The following PRIMPOL variants were observed in gnomAD, a reference collection of about 807,000 sequenced individuals.
PRIMPOL encodes the protein DNA-directed primase/polymerase protein.
A neutral mutation model predicts 63.6 loss-of-function variants in PRIMPOL; 54 were observed. That is an observed-to-expected ratio of 0.85 (90% CI 0.68 to 1.07). The LOEUF (loss-of-function observed/expected upper bound fraction) is 1.07. PRIMPOL is among the 50% of genes least tolerant of loss of function. The pLI is 0.00. For synonymous variants in PRIMPOL, 197 were observed against 220.2 expected (o/e 0.89, Z 0.93); for missense variants, 610 against 648.3 (o/e 0.94, Z 0.64).
intron 4 of PRIMPOL, among the ~76,000 whole-genome samples, chr4:184,660,209 C>T (rs1021716918): frequency 8.0e-5 from 12 of 149,852 alleles, no homozygotes; most frequent in African/African-American, 3.0e-4. Context: ...TTTTTTGAGA[C>T]AGTTTCACTC....
chr4:184,658,628 G>T (rs995317374), intron 3 of PRIMPOL, among the ~76,000 whole-genome samples: 8 of 151,738 alleles, frequency 5.3e-5, no homozygotes, highest in Non-Finnish European at 7.4e-5. Context: ...GGTTCCGGCT[G>T]GGTGCGGTGG....
At position 184,687,532 on chromosome 4, in the gene PRIMPOL, C is replaced by T. The variant is rs561387522; in HGVS notation, c.1295+1848C>T. ...CCCTCAGAGATGGTAGCCAGTATCC[C>T]GATTTTGTGTTCATCTTTTCCTCGC... is the stretch of plus-strand genomic sequence containing the variant. On this transcript the variant is annotated intron_variant, in intron 11 of 13. Coordinates refer to ENST00000314970, the MANE Select transcript of PRIMPOL (RefSeq NM_152683.4). Among the ~76,000 whole-genome samples the T allele has an allele frequency of 9.9e-5, 15 of 152,258 alleles. No individual in the cohort carries two copies. The East Asian group carries it at 1.7e-3, about 18-fold the overall frequency.
rs749555126 is a variant in PRIMPOL at position 184,694,753 on chromosome 4, C to G, written c.1657C>G (p.Leu553Val). ...NSEVDEIPDELIIEVLQE is the reference protein window; with the variant it reads ...NSEVDEIPDEVIIEVLQE ...TGAAGTGGATGAAATTCCTGATGAA[C>G]TAATTATAGAAGTATTACAAGAGTA... Residue 553 changes from leucine to valine, a missense_variant, in exon 14 of 14, where the codon CTA (leucine) becomes GTA (valine). Physicochemically the swap from Leu to Val is conservative, Grantham distance 32 (BLOSUM62 1). This residue lies in a region of PRIMPOL where 444 missense variants were observed against 456.4 expected (regional missense o/e 0.97). Coordinates refer to ENST00000314970, the MANE Select transcript of PRIMPOL (RefSeq NM_152683.4). 13 of 1,611,912 alleles carry G rather than the reference C, an allele frequency of 8.1e-6. No individual in the cohort carries two copies. In the South Asian group the frequency reaches 1.4e-4, roughly 18 times the overall value.
At chr4:184,672,072 T>C in intron 6 of PRIMPOL, 101 bp from the exon 7 acceptor site, 3 of 1,113,008 alleles carry the variant, frequency 2.7e-6, no homozygotes, top group Non-Finnish European at 3.9e-6. Flanking sequence ...AATCAAAAAA[T>C]GGTTTTCTGT....
rs1746722857 is a variant in PRIMPOL, at chr4:184,657,266, G to A, written c.126G>A (p.Trp42Ter). 3 of 1,613,654 alleles carry A rather than the reference G, an allele frequency of 1.9e-6. No homozygotes were observed. The highest frequency in any genetic ancestry group is 2.5e-6 in the Non-Finnish European group (3 of 1,179,840). Residue 42 changes from tryptophan to a stop codon, truncating the protein, a stop_gained, in exon 3 of 14, where the codon TGG (tryptophan) becomes TGA (stop). Coordinates refer to ENST00000314970, the MANE Select transcript of PRIMPOL (RefSeq NM_152683.4). LOFTEE classifies it high-confidence loss of function. Reference sequence around the variant, plus strand: ...AGCCAGAAGAACCACCCTCCATCTGGAGACTATTTCATCGACAAGCTCAAG... The same window carrying A: ...AGCCAGAAGAACCACCCTCCATCTGAAGACTATTTCATCGACAAGCTCAAG... ...LSKPEEPPSI[W>*]RLFHRQAQAF...
intron 1 of PRIMPOL, among the ~76,000 whole-genome samples, chr4:184,651,607 C>G (rs189156553): frequency 6.6e-6 from 1 of 152,308 alleles, no homozygotes; most frequent in Admixed American, 6.5e-5. Flanking sequence ...GCATTAGCAG[C>G]AGTTTTCTGG....
chr4:184,667,397 G>A (rs186012851), intron 6 of PRIMPOL, among the ~76,000 whole-genome samples: 32 of 151,844 alleles, frequency 2.1e-4, no homozygotes, highest in Non-Finnish European at 3.8e-4. Context: ...TGCAACCTCC[G>A]CCTCCCGGGT....
At chr4:184,678,122 T>G (rs1300647014) in intron 7 of PRIMPOL, 110 bp from the exon 8 acceptor site, 1 of 623,896 alleles carries the variant, frequency 1.6e-6, no homozygotes, top group African/African-American at 1.9e-5. Context: ...CAGCTATATA[T>G]AGAAAATAAT....
At chr4:184,658,856 C>T (rs916361235) in intron 3 of PRIMPOL, among the ~76,000 whole-genome samples, 2 of 148,882 alleles carry the variant, frequency 1.3e-5, no homozygotes, top group African/African-American at 2.5e-5. Flanking sequence ...TGCAGTGAGT[C>T]GAGATCACGC....
intron 9 of PRIMPOL, among the ~76,000 whole-genome samples, chr4:184,685,178 GA>G (rs1206843502): frequency 1.9e-4 from 29 of 152,288 alleles, no homozygotes; most frequent in African/African-American, 7.0e-4. Flanking sequence ...GACAGCAGTT[GA>G]AATTATTTCA....
chr4:184,651,989 T>A (rs926262848), intron 1 of PRIMPOL, 34 bp from the exon 2 acceptor site: 1 of 152,266 alleles, frequency 6.6e-6, no homozygotes, highest in Non-Finnish European at 1.5e-5. Flanking sequence ...GGAGGCAGTG[T>A]CTTCTGGCTG....
intron 11 of PRIMPOL, among the ~76,000 whole-genome samples, chr4:184,688,218 A>T (rs1409883448): frequency 1.3e-5 from 2 of 152,232 alleles, no homozygotes; most frequent in African/African-American, 4.8e-5. Context: ...TATGCACATA[A>T]TTAATTTTAC....
intron 11 of PRIMPOL, among the ~76,000 whole-genome samples, chr4:184,690,313 T>C (rs1579665619): frequency 6.6e-6 from 1 of 151,500 alleles, no homozygotes; most frequent in East Asian, 2.0e-4. Flanking sequence ...CTTAAAAACA[T>C]ATGATGCATT....
In PRIMPOL at chr4:184,694,750, G is replaced by C. The variant is rs752879096; in HGVS notation, c.1654G>C (p.Glu552Gln). ...YNSEVDEIPD[E>Q]LIIEVLQE is the part of the protein sequence containing the mutation. ...CAGTGAAGTGGATGAAATTCCTGAT[G>C]AACTAATTATAGAAGTATTACAAGA... Residue 552 changes from glutamate to glutamine, a missense_variant, in exon 14 of 14, where the codon GAA (glutamate) becomes CAA (glutamine). Glu to Gln is a conservative substitution (Grantham distance 29). This residue lies in a region of PRIMPOL where 444 missense variants were observed against 456.4 expected (regional missense o/e 0.97). Coordinates refer to ENST00000314970, the MANE Select transcript of PRIMPOL (RefSeq NM_152683.4). The C allele has an allele frequency of 3.1e-6, 5 of 1,612,094 alleles. No homozygotes were observed. Among genetic ancestry groups the C allele is most frequent in the Non-Finnish European group, 4.2e-6 (5 of 1,178,286 alleles).
intron 7 of PRIMPOL, among the ~76,000 whole-genome samples, chr4:184,674,701 T>G (rs917038526): frequency 1.3e-5 from 2 of 152,216 alleles, no homozygotes; most frequent in Non-Finnish European, 2.9e-5. Context: ...ATACGTATTA[T>G]ATACTGGATT....
intron 3 of PRIMPOL, 145 bp from the exon 4 acceptor site, chr4:184,659,191 CTATT>C: frequency 1.6e-6 from 1 of 624,626 alleles, no homozygotes; most frequent in East Asian, 2.8e-5. Context: ...AACCTAGTGA[CTATT>C]TGTCTTGTTT....
At chr4:184,674,005 G>T (rs1752638016) in intron 7 of PRIMPOL, among the ~76,000 whole-genome samples, 1 of 152,196 alleles carries the variant, frequency 6.6e-6, no homozygotes, top group Admixed American at 6.5e-5. Context: ...TCATCTCCGG[G>T]TGGGACTAGC....
At chr4:184,667,372 A>G (rs184532922) in intron 6 of PRIMPOL, among the ~76,000 whole-genome samples, 3,225 of 151,258 alleles carry the variant, frequency 0.021, 119 homozygotes, top group African/African-American at 0.073. Flanking sequence ...GTGCAGTGGC[A>G]CGTTCTTGGC....
rs148593231 is a variant in PRIMPOL, at chr4:184,692,155, C to T, written c.1425+443C>T. ...ATTTTTTATTTACCCAAATAATTAA[C>T]GTGCATTGTAGAATGAATTGAAAAT... On this transcript the variant is annotated intron_variant, in intron 13 of 13. Coordinates refer to ENST00000314970, the MANE Select transcript of PRIMPOL (RefSeq NM_152683.4). Among the ~76,000 whole-genome samples, 1,231 of 152,120 alleles carry T rather than the reference C, an allele frequency of 8.1e-3. 48 individuals are homozygous for T. Among genetic ancestry groups the T allele is most frequent in the Admixed American group, 0.061 (936 of 15,268 alleles).
Sources: allele counts gnomAD v4.1 joint callset (sites outside exome capture counted in the v4.1 genomes callset), GRCh38; gene constraint gnomAD v4.1.1; regional missense constraint gnomAD v4.1.1; transcripts MANE v1.5; gene names NCBI Gene and HGNC (gene_info 2026-07-23, HGNC 2026-07-21).